The following TCF4 variants were observed in gnomAD, a reference collection of about 807,000 sequenced individuals.
The protein encoded by TCF4 is SL3-3 enhancer factor 2.
TCF4 carries 3 observed loss-of-function variants against 82.1 expected under a neutral mutation model. The ratio of observed to expected loss-of-function variants is 0.04; its 90% CI spans 0.02 to 0.09. The LOEUF (loss-of-function observed/expected upper bound fraction) is 0.09, where lower values mean the gene tolerates loss of function less well. Ranked by LOEUF, TCF4 falls within the 10% of genes least tolerant of loss-of-function variation. The probability of loss-of-function intolerance (pLI) is 1.00; values close to 1 mark genes in which losing one functional copy is unlikely to be tolerated. For missense variants in TCF4, 518 were observed against 852.7 expected (o/e 0.61, Z 4.89); for synonymous variants, 276 against 309.6 (o/e 0.89, Z 1.14).
intron 4 of TCF4, among the ~76,000 whole-genome samples, chr18:55,462,739 C>T (rs2095894304): frequency 6.6e-6 from 1 of 152,100 alleles, no homozygotes; most frequent in South Asian, 2.1e-4. Flanking sequence ...CTATGATCTC[C>T]ACTTGCTGTC....
chr18:55,372,072 G>A (rs1252765412), intron 6 of TCF4, among the ~76,000 whole-genome samples: 2 of 152,074 alleles, frequency 1.3e-5, no homozygotes, highest in African/African-American at 4.8e-5. Context: ...CCATATAAAG[G>A]GGTTGGCTTG....
At chr18:55,252,392 C>T (rs1393806961) in intron 15 of TCF4, among the ~76,000 whole-genome samples, 1 of 151,608 alleles carries the variant, frequency 6.6e-6, no homozygotes, top group Non-Finnish European at 1.5e-5. Context: ...ATATCAAGAT[C>T]AAATTAAAGG....
rs1227037820 is a variant in TCF4 at position 55,226,632 on chromosome 18, AT to A, written c.*1402del. On this transcript the variant is annotated 3_prime_UTR_variant, in exon 20 of 20. Coordinates refer to ENST00000354452, the MANE Select transcript of TCF4 (RefSeq NM_001083962.2). ...TTATAATGCTGCATGATGATTGAAT[AT>A]TGGCATTTTTCAGACGAAGGAGGAG... 3 of 152,526 alleles carry A rather than the reference AT, an allele frequency of 2.0e-5. No homozygotes were observed. The highest frequency in any genetic ancestry group is 1.9e-4 in the East Asian group (1 of 5,190). The allele number at this position is 152,526 out of a possible 1,614,324, so 9.4% of individuals were successfully genotyped here. A position where few individuals can be genotyped will look rare whatever the true frequency, so the allele number is the denominator to read the frequency against.
rs917980159 is a variant in TCF4 at position 55,577,637 on chromosome 18, G to A, written c.145+7643C>T. 9.2e-5 allele frequency among the ~76,000 whole-genome samples: 14 copies of A among 152,104 alleles called. No homozygotes were observed. In the East Asian group the frequency reaches 2.1e-3, roughly 23 times the overall value. ...GGTCTTTTTGCACTTTACCAGTCCTGTAAACACCCCATACTTAAGTCTTCA... is the reference window on the plus strand; with the variant it reads ...GGTCTTTTTGCACTTTACCAGTCCTATAAACACCCCATACTTAAGTCTTCA... On this transcript the variant is annotated intron_variant, in intron 3 of 19. Coordinates refer to ENST00000354452, the MANE Select transcript of TCF4 (RefSeq NM_001083962.2).
chr18:55,542,977 A>T (rs1603620475), intron 3 of TCF4, among the ~76,000 whole-genome samples: 2 of 152,146 alleles, frequency 1.3e-5, no homozygotes, highest in South Asian at 4.1e-4. Flanking sequence ...TTTACTGTCA[A>T]GCACTAAGCA....
At chr18:55,374,871 TAAA>T (rs5825137) in intron 6 of TCF4, among the ~76,000 whole-genome samples, 10 of 67,144 alleles carry the variant, frequency 1.5e-4, no homozygotes, top group African/African-American at 2.8e-4. Context: ...AGGCCCTGTC[TAAA>T]AAAAAAAAAA....
chr18:55,574,375 A>C (rs368694818), intron 3 of TCF4, among the ~76,000 whole-genome samples: 176 of 152,110 alleles, frequency 1.2e-3, no homozygotes, highest in African/African-American at 4.2e-3. Flanking sequence ...CCAATACTGG[A>C]GGGCAGTGGC....
At chr18:55,503,880 G>C (rs993390039) in intron 3 of TCF4, among the ~76,000 whole-genome samples, 1 of 152,156 alleles carries the variant, frequency 6.6e-6, no homozygotes, top group Admixed American at 6.5e-5. Flanking sequence ...TTCGAGACCA[G>C]CCTGGCCAAC....
chr18:55,477,164 T>C (rs1345695632), intron 3 of TCF4, among the ~76,000 whole-genome samples: 1 of 152,234 alleles, frequency 6.6e-6, no homozygotes, highest in Non-Finnish European at 1.5e-5. Context: ...GCTTCCTATT[T>C]TTTATATACT....
intron 8 of TCF4, among the ~76,000 whole-genome samples, chr18:55,337,168 AG>A (rs1268246497): frequency 1.3e-5 from 2 of 152,174 alleles, no homozygotes; most frequent in African/African-American, 4.8e-5. Context: ...GGGAACAGAA[AG>A]GTTAATCAGA....
At chr18:55,352,152 C>A (rs1386723224) in intron 6 of TCF4, 1 of 154,994 alleles carries the variant, frequency 6.5e-6, no homozygotes, top group Admixed American at 6.6e-5. Context: ...CCCTGGTTAA[C>A]CCGCTGAGAA....
chr18:55,625,387 C>T (rs903640969), intron 2 of TCF4, among the ~76,000 whole-genome samples: 11 of 151,912 alleles, frequency 7.2e-5, no homozygotes, highest in Non-Finnish European at 1.6e-4. Context: ...TACAGGCGCA[C>T]ACCACCATGC....
chr18:55,338,201 C>T (rs1603182046), intron 8 of TCF4, among the ~76,000 whole-genome samples: 1 of 152,178 alleles, frequency 6.6e-6, no homozygotes, highest in African/African-American at 2.4e-5. Flanking sequence ...AGCACTGCCC[C>T]ACCGTGCGAC....
chr18:55,540,625 C>G (rs1245930080), intron 3 of TCF4, among the ~76,000 whole-genome samples: 1 of 151,984 alleles, frequency 6.6e-6, no homozygotes, highest in Non-Finnish European at 1.5e-5. Flanking sequence ...GGCATATAAA[C>G]TTAGTATTCT....
At chr18:55,487,395 G>A (rs1057320148) in intron 3 of TCF4, among the ~76,000 whole-genome samples, 1 of 152,136 alleles carries the variant, frequency 6.6e-6, no homozygotes, top group African/African-American at 2.4e-5. Flanking sequence ...GCTTCAGAAG[G>A]ACAGGAACTC....
intron 4 of TCF4, among the ~76,000 whole-genome samples, chr18:55,462,990 T>C (rs1428876916): frequency 1.3e-5 from 2 of 152,192 alleles, no homozygotes; most frequent in Non-Finnish European, 1.5e-5. Flanking sequence ...TTTTGACAGC[T>C]TGATTACCTT....
At chr18:55,374,034 T>C (rs538810988) in intron 6 of TCF4, among the ~76,000 whole-genome samples, 1 of 152,224 alleles carries the variant, frequency 6.6e-6, no homozygotes, top group East Asian at 1.9e-4. Context: ...AAAGTGGGAC[T>C]GTGAAAACAG....
At chr18:55,467,248 T>C (rs1401391795) in intron 3 of TCF4, among the ~76,000 whole-genome samples, 1 of 152,224 alleles carries the variant, frequency 6.6e-6, no homozygotes, top group Non-Finnish European at 1.5e-5. Flanking sequence ...AACATGTTAC[T>C]TTGAAGTCAT....
In TCF4 at chr18:55,244,527, T is replaced by G. The variant is rs1182498779; in HGVS notation, c.1351-9844A>C. Among the ~76,000 whole-genome samples, 7 of 152,306 alleles carry G rather than the reference T, an allele frequency of 4.6e-5. 1 individual carries two copies. The highest frequency in any genetic ancestry group is 4.6e-4 in the Admixed American group (7 of 15,302). On this transcript the variant is annotated intron_variant, in intron 15 of 19. Coordinates refer to ENST00000354452, the MANE Select transcript of TCF4 (RefSeq NM_001083962.2). The stretch of plus-strand genomic sequence containing the variant: ...TTTCTAGTAGTATTGCTAGTGCACT[T>G]ACTTATTAATACTTATAGCCGTGTC...
Sources: gnomAD v4.1 joint callset for allele counts (sites outside exome capture counted in the v4.1 genomes callset) on GRCh38, gnomAD v4.1.1 for gene constraint, MANE v1.5 for transcripts, NCBI Gene and HGNC (gene_info 2026-07-23, HGNC 2026-07-21) for gene names.